Variants in KISS1R observed in about 807,000 individuals in gnomAD.
KISS1R encodes kiSS-1 receptor.
A neutral mutation model predicts 22.0 loss-of-function variants in KISS1R; 19 were observed. That is an observed-to-expected ratio of 0.86 (90% CI 0.60 to 1.26). The LOEUF (loss-of-function observed/expected upper bound fraction) is 1.26. Among genes scored for constraint, KISS1R ranks in the 50% most tolerant of loss-of-function variants. The pLI is 0.00. For synonymous variants in KISS1R, 302 were observed against 283.9 expected (o/e 1.06, Z -0.64); for missense variants, 653 against 581.9 (o/e 1.12, Z -1.26).
At position 918,584 on chromosome 19, in the gene KISS1R, C is replaced by G. The variant is rs141767649; in HGVS notation, c.285C>G (p.Cys95Trp). 19 of 1,551,378 alleles carry G rather than the reference C, an allele frequency of 1.2e-5. No individual in the cohort carries two copies. The African/African-American group carries it at 2.5e-4, about 20-fold the overall frequency. The change falls in exon 2 of 5, where the codon TGC (cysteine) becomes TGG (tryptophan). Residue 95 changes from cysteine (C) to tryptophan (W), a missense_variant. Cys to Trp is a radical substitution (Grantham distance 215). Transcript: ENST00000234371. ...AATDVTFLLC[C>W]VPFTALLYPL... ...CGGACGTGACCTTCCTCCTGTGCTG[C>G]GTCCCCTTCACGGCCCTGCTGTACC...
intron 1 of KISS1R, 144 bp from the exon 2 acceptor site, chr19:918,400 G>A: frequency 1.1e-6 from 1 of 923,874 alleles, no homozygotes; most frequent in Non-Finnish European, 1.5e-6. Flanking sequence ...GGAGGCCAGG[G>A]GCGCTGGGGG....
rs766713338 is a variant in KISS1R at position 920,285 on chromosome 19, C to A, written c.739-5C>A. Reference sequence around the variant, plus strand: ...CGTCTAACCACCTTCACGGCACCCCCCCAGGGGCAGGTGCTGGCAGAGCGC... The same window carrying A: ...CGTCTAACCACCTTCACGGCACCCCACCAGGGGCAGGTGCTGGCAGAGCGC... On this transcript the variant is annotated splice_polypyrimidine_tract_variant and splice_region_variant and intron_variant, in intron 4 of 4. Coordinates refer to ENST00000234371, the MANE Select transcript of KISS1R (RefSeq NM_032551.5). 110 of 1,569,242 alleles carry A rather than the reference C, an allele frequency of 7.0e-5. No individual in the cohort carries two copies. The highest frequency in any genetic ancestry group is 2.2e-4 in the Middle Eastern group (1 of 4,484).
rs1599370890 is a variant in KISS1R, at chr19:920,073, C to T, written c.705C>T (p.Ala235=). 1 of 1,515,682 alleles carries T rather than the reference C, an allele frequency of 6.6e-7. No homozygotes were observed. The highest frequency in any genetic ancestry group is 8.8e-7 in the Non-Finnish European group (1 of 1,138,382). The allele number at this position is 1,515,682 out of a possible 1,614,324, so 93.9% of individuals were successfully genotyped here. A position where few individuals can be genotyped will look rare whatever the true frequency, so the allele number is the denominator to read the frequency against. The part of the protein sequence containing the change: ...AAMLRHLGRV[A]VRPAPADSAL... ...TGCTGCGCCACCTGGGCCGGGTCGCCGTGCGCCCCGCGCCCGCCGATAGCG... is the reference window on the plus strand; with the variant it reads ...TGCTGCGCCACCTGGGCCGGGTCGCTGTGCGCCCCGCGCCCGCCGATAGCG... The change falls in exon 4 of 5, where the codon GCC becomes GCT. Residue 235 remains alanine (A), a synonymous_variant. Coordinates refer to ENST00000234371, the MANE Select transcript of KISS1R (RefSeq NM_032551.5).
chr19:918,731 TGGGAG>T, intron 2 of KISS1R, 63 bp downstream of exon 2: 3 of 861,514 alleles, frequency 3.5e-6, no homozygotes, highest in Non-Finnish European at 4.1e-6. Flanking sequence ...CGCTCCGCAG[TGGGAG>T]GGGAGGGGAC....
chr19:920,231 G>T, intron 4 of KISS1R, 59 bp from the exon 5 acceptor site: 1 of 1,535,200 alleles, frequency 6.5e-7, no homozygotes, highest in Non-Finnish European at 8.7e-7. Flanking sequence ...GCGGTGCGAG[G>T]GGATGAGCTG....
Position 917,421 on chromosome 19 carries a change from G to A in KISS1R, c.-82G>A. 2.2e-6 allele frequency: 3 copies of A among 1,360,384 alleles called. No homozygotes were observed. Among genetic ancestry groups the A allele is most frequent in the Non-Finnish European group, 2.8e-6 (3 of 1,060,316 alleles). 84.3% of individuals were successfully genotyped at this position (1,360,384 alleles called of 1,614,324 possible). On this transcript the variant is annotated 5_prime_UTR_variant, in exon 1 of 5. Coordinates refer to ENST00000234371, the MANE Select transcript of KISS1R (RefSeq NM_032551.5). ...CCTGAGTTCCACAGGCGCAGCCCCCGGGCGGTCGGGCGGAGGGGTCCCCGG... is the reference window on the plus strand; with the variant it reads ...CCTGAGTTCCACAGGCGCAGCCCCCAGGCGGTCGGGCGGAGGGGTCCCCGG...
intron 2 of KISS1R, 135 bp from the exon 3 acceptor site, chr19:919,355 C>T (rs965598643): frequency 1.3e-5 from 17 of 1,294,326 alleles, no homozygotes; most frequent in African/African-American, 7.3e-5. Flanking sequence ...TCAACCCGCA[C>T]TGGACACTCC....
intron 2 of KISS1R, 135 bp from the exon 3 acceptor site, chr19:919,355 C>A: frequency 7.7e-7 from 1 of 1,294,442 alleles, no homozygotes; most frequent in Non-Finnish European, 1.1e-6. Context: ...TCAACCCGCA[C>A]TGGACACTCC....
At position 920,718 on chromosome 19, in the gene KISS1R, C is replaced by A. The variant is rs371771794; in HGVS notation, c.1167C>A (p.Cys389Ter). The A allele has an allele frequency of 4.0e-4, 518 of 1,304,108 alleles. 1 individual carries two copies. The highest frequency in any genetic ancestry group is 7.6e-4 in the South Asian group (28 of 36,818). 80.8% of individuals were successfully genotyped at this position (1,304,108 alleles called of 1,614,324 possible). A position where few individuals can be genotyped will look rare whatever the true frequency, so the allele number is the denominator to read the frequency against. The part of the protein sequence containing the change: ...GSSGLAARGL[C>*]VLGEDNAPL ...GTGGGCTGGCCGCGCGCGGGCTGTGCGTCCTGGGGGAGGACAACGCCCCTC... is the reference window on the plus strand; with the variant it reads ...GTGGGCTGGCCGCGCGCGGGCTGTGAGTCCTGGGGGAGGACAACGCCCCTC... Residue 389 changes from cysteine (C) to a stop codon, truncating the protein, a stop_gained, in exon 5 of 5, where the codon TGC (cysteine) becomes TGA (stop). Coordinates refer to ENST00000234371, the MANE Select transcript of KISS1R (RefSeq NM_032551.5). LOFTEE classifies it high-confidence loss of function.
chr19:919,266 T>C (rs978592802), intron 2 of KISS1R, among the ~76,000 whole-genome samples: 3 of 151,656 alleles, frequency 2.0e-5, no homozygotes, highest in African/African-American at 7.3e-5. Flanking sequence ...AGACTCGGGG[T>C]ATCAGCCGCC....
At chr19:919,261 C>G (rs1041683127) in intron 2 of KISS1R, among the ~76,000 whole-genome samples, 8 of 152,026 alleles carry the variant, frequency 5.3e-5, no homozygotes, top group South Asian at 2.1e-4. Context: ...GTCTCAGACT[C>G]GGGGTATCAG....
In KISS1R at chr19:919,999, G is replaced by A. The variant is rs766694658; in HGVS notation, c.631G>A (p.Ala211Thr). Residue 211 changes from alanine (A) to threonine (T), a missense_variant, in exon 4 of 5, where the codon GCG becomes ACG. Transcript: ENST00000234371. ...ERAFALYNLLALYLLPLLATC... is the reference protein window; with the variant it reads ...ERAFALYNLLTLYLLPLLATC... Reference sequence around the variant, plus strand: ...CGCCTTCGCACTGTACAACCTGCTGGCGCTGTACCTGCTGCCGCTGCTCGC... The same window carrying A: ...CGCCTTCGCACTGTACAACCTGCTGACGCTGTACCTGCTGCCGCTGCTCGC... The A allele has an allele frequency of 1.8e-5, 28 of 1,555,246 alleles. No individual in the cohort carries two copies. In the East Asian group the frequency reaches 5.8e-4, roughly 32 times the overall value.
chr19:918,991 C>T (rs899839442), intron 2 of KISS1R, among the ~76,000 whole-genome samples: 4 of 29,064 alleles, frequency 1.4e-4, no homozygotes, highest in Admixed American at 4.8e-4. Context: ...GAGCGGGGGG[C>T]GGGCGCATGT....
chr19:920,072 C>T lies in KISS1R; in HGVS notation c.704C>T (p.Ala235Val). The change falls in exon 4 of 5, where the codon GCC becomes GTC. Residue 235 changes from alanine (A) to valine (V), a missense_variant. Transcript: ENST00000234371. The part of the protein sequence containing the change: ...AAMLRHLGRV[A>V]VRPAPADSAL... ...ATGCTGCGCCACCTGGGCCGGGTCG[C>T]CGTGCGCCCCGCGCCCGCCGATAGC... is the stretch of plus-strand genomic sequence containing the variant. The T allele has an allele frequency of 2.0e-6, 3 of 1,516,904 alleles. No individual in the cohort carries two copies. The highest frequency in any genetic ancestry group is 1.4e-5 in the African/African-American group (1 of 71,212). The allele number at this position is 1,516,904 out of a possible 1,614,324, so 94.0% of individuals were successfully genotyped here. A position where few individuals can be genotyped will look rare whatever the true frequency, so the allele number is the denominator to read the frequency against.
rs773788662 is a variant in KISS1R at position 920,374 on chromosome 19, T to G, written c.823T>G (p.Cys275Gly). Residue 275 changes from cysteine (C) to glycine (G), a missense_variant, in exon 5 of 5, where the codon TGC (cysteine) becomes GGC (glycine). Coordinates refer to ENST00000234371, the MANE Select transcript of KISS1R (RefSeq NM_032551.5). The part of the protein sequence containing the change: ...VAAVVLLFAA[C>G]WGPIQLFLVL... ...GGCCGTGGTCCTGCTCTTCGCCGCC[T>G]GCTGGGGCCCCATCCAGCTGTTCCT... 1.9e-6 allele frequency: 3 copies of G among 1,585,298 alleles called. No individual in the cohort carries two copies. The South Asian group carries it at 3.4e-5, about 18-fold the overall frequency.
rs1568348444 is a variant in KISS1R, at chr19:920,292, G to A, written c.741G>A (p.Gly247=). The A allele has an allele frequency of 6.4e-7, 1 of 1,569,862 alleles. No homozygotes were observed. The highest frequency in any genetic ancestry group is 8.6e-7 in the Non-Finnish European group (1 of 1,166,940). The part of the protein sequence containing the change: ...RPAPADSALQ[G]QVLAERAGAV... Reference sequence around the variant, plus strand: ...CCACCTTCACGGCACCCCCCCAGGGGCAGGTGCTGGCAGAGCGCGCAGGCG... The same window carrying A: ...CCACCTTCACGGCACCCCCCCAGGGACAGGTGCTGGCAGAGCGCGCAGGCG... The change falls in exon 5 of 5, where the codon GGG becomes GGA. Residue 247 remains glycine (G), a splice_region_variant and synonymous_variant. Coordinates refer to ENST00000234371, the MANE Select transcript of KISS1R (RefSeq NM_032551.5).
chr19:918,596 G>T lies in KISS1R; in HGVS notation c.297G>T (p.Thr99=). Residue 99 remains threonine (T), a synonymous_variant, in exon 2 of 5, where the codon ACG becomes ACT. Coordinates refer to ENST00000234371, the MANE Select transcript of KISS1R (RefSeq NM_032551.5). The stretch of plus-strand genomic sequence containing the variant: ...TCCTCCTGTGCTGCGTCCCCTTCAC[G>T]GCCCTGCTGTACCCGCTGCCCGGCT... ...VTFLLCCVPF[T]ALLYPLPGWV... 6.4e-7 allele frequency: 1 copy of T among 1,551,674 alleles called. No individual in the cohort carries two copies.
At chr19:918,313 A>G (rs2037076480) in intron 1 of KISS1R, among the ~76,000 whole-genome samples, 1 of 151,830 alleles carries the variant, frequency 6.6e-6, no homozygotes, top group Non-Finnish European at 1.5e-5. Context: ...CGGAATGGCC[A>G]GGAAATCCGA....
Position 919,957 on chromosome 19 carries a change from A to G in KISS1R, c.589A>G (p.Ser197Gly), listed in dbSNP as rs1182036978. 6.4e-7 allele frequency: 1 copy of G among 1,571,448 alleles called. No individual in the cohort carries two copies. Among genetic ancestry groups the G allele is most frequent in the Non-Finnish European group, 8.6e-7 (1 of 1,161,672 alleles). The change falls in exon 4 of 5, where the codon AGC becomes GGC. Residue 197 changes from serine (S) to glycine (G), a missense_variant. Coordinates refer to ENST00000234371, the MANE Select transcript of KISS1R (RefSeq NM_032551.5). Reference protein sequence around the residue: ...PRAYCSEAFPSRALERAFALY... With the variant: ...PRAYCSEAFPGRALERAFALY... ...CGCCTACTGCAGTGAGGCCTTCCCC[A>G]GCCGCGCCCTGGAGCGCGCCTTCGC...
Sources: allele counts gnomAD v4.1 joint callset (sites outside exome capture counted in the v4.1 genomes callset), GRCh38; gene constraint gnomAD v4.1.1; transcripts MANE v1.5; gene names NCBI Gene and HGNC (gene_info 2026-07-23, HGNC 2026-07-21).